ARHGAP24: variants seen among roughly 807,000 people sequenced by gnomAD.
ARHGAP24 encodes the protein Rho GTPase activating protein 24.
A neutral mutation model predicts 76.4 loss-of-function variants in ARHGAP24; 50 were observed. The observed-to-expected ratio is 0.65, with a 90% CI of 0.52 to 0.83. The LOEUF is 0.83. Among genes scored for constraint, ARHGAP24 ranks in the 40% least tolerant of loss-of-function variants. The pLI is 0.00. For synonymous variants in ARHGAP24, 345 were observed against 323.3 expected, an observed-to-expected ratio of 1.07 and a Z score of -0.72; for missense variants, 930 against 914.2, an observed-to-expected ratio of 1.02 and a Z score of -0.22.
chr4:85,990,298 T>C (rs1740246641), intron 8 of ARHGAP24: 1 of 151,660 alleles, frequency 6.6e-6, no homozygotes, highest in South Asian at 2.1e-4. Context: ...TACATAAATG[T>C]GGAAATATAC....
chr4:85,520,858 A>C (rs952324835), intron 1 of ARHGAP24, among the ~76,000 whole-genome samples: 35 of 152,216 alleles, frequency 2.3e-4, no homozygotes, highest in African/African-American at 8.2e-4. Flanking sequence ...ATAGAGAGGC[A>C]CAGTGTGGTG....
At chr4:85,608,626 C>T (rs779461103) in intron 2 of ARHGAP24, among the ~76,000 whole-genome samples, 12 of 141,350 alleles carry the variant, frequency 8.5e-5, no homozygotes, top group Non-Finnish European at 1.2e-4. Context: ...GGCATGATCT[C>T]AGCTCACTGC....
chr4:85,823,785 G>T (rs2110126616), intron 3 of ARHGAP24, among the ~76,000 whole-genome samples: 1 of 152,100 alleles, frequency 6.6e-6, no homozygotes, highest in African/African-American at 2.4e-5. Flanking sequence ...AGTTCACAAA[G>T]GGATAATCTT....
intron 3 of ARHGAP24, among the ~76,000 whole-genome samples, chr4:85,882,569 G>A (rs1459473930): frequency 6.6e-6 from 1 of 152,106 alleles, no homozygotes; most frequent in Admixed American, 6.6e-5. Context: ...GAGGAGCATG[G>A]GCACAATAAG....
At chr4:85,603,747 C>T (rs1053713804) in intron 2 of ARHGAP24, among the ~76,000 whole-genome samples, 5 of 152,120 alleles carry the variant, frequency 3.3e-5, no homozygotes, top group Non-Finnish European at 5.9e-5. Context: ...CTGTGCTAAG[C>T]GCTAGTGATA....
intron 1 of ARHGAP24, among the ~76,000 whole-genome samples, chr4:85,484,693 G>A (rs577265561): frequency 6.6e-6 from 1 of 152,008 alleles, no homozygotes; most frequent in Admixed American, 6.5e-5. Context: ...CTCGGCTCAC[G>A]GCAAATTCCA....
At chr4:85,980,162 A>T (rs1021700576) in intron 8 of ARHGAP24, among the ~76,000 whole-genome samples, 3 of 152,342 alleles carry the variant, frequency 2.0e-5, no homozygotes, top group Middle Eastern at 3.4e-3. Flanking sequence ...AGTGCCAGTG[A>T]TACTCATTGC....
At chr4:85,921,300 A>C (rs539585734) in intron 3 of ARHGAP24, among the ~76,000 whole-genome samples, 1 of 152,212 alleles carries the variant, frequency 6.6e-6, no homozygotes, top group Non-Finnish European at 1.5e-5. Context: ...CAAATACTGC[A>C]TGATCTCACT....
intron 3 of ARHGAP24, among the ~76,000 whole-genome samples, chr4:85,911,906 G>A (rs889733198): frequency 6.6e-6 from 1 of 152,154 alleles, no homozygotes; most frequent in African/African-American, 2.4e-5. Context: ...TTCTTTATAA[G>A]AACTTCTATG....
In ARHGAP24 at chr4:85,959,452, C is replaced by T. The variant is rs527964889; in HGVS notation, c.600-12584C>T. ...AATGCAGTCCAGTAACTTGCAGCCT[C>T]GTTTTACCCAGCCCCTATTCTAGAT... On this transcript the variant is annotated intron_variant, in intron 5 of 9. Coordinates refer to ENST00000395184, the MANE Select transcript of ARHGAP24 (RefSeq NM_001025616.3). Among the ~76,000 whole-genome samples the T allele has an allele frequency of 4.6e-5, 7 of 152,290 alleles. No homozygotes were observed. The East Asian group carries it at 5.8e-4, about 13-fold the overall frequency.
At chr4:85,517,554 C>A (rs150129557) in intron 1 of ARHGAP24, among the ~76,000 whole-genome samples, 4 of 152,226 alleles carry the variant, frequency 2.6e-5, no homozygotes, top group African/African-American at 7.2e-5. Flanking sequence ...TACACGTTTT[C>A]TTATATGCTT....
intron 2 of ARHGAP24, among the ~76,000 whole-genome samples, chr4:85,639,527 G>A (rs1721446954): frequency 6.6e-6 from 1 of 152,100 alleles, no homozygotes; most frequent in Admixed American, 6.6e-5. Flanking sequence ...TTAGCTCCAA[G>A]ATGTTTACAT....
At chr4:85,893,474 G>C (rs1480046511) in intron 3 of ARHGAP24, among the ~76,000 whole-genome samples, 1 of 51,354 alleles carries the variant, frequency 1.9e-5, no homozygotes, top group African/African-American at 7.7e-5. Flanking sequence ...TTTACATTTT[G>C]GCATGATTTT....
chr4:85,805,672 C>T (rs11729287), intron 3 of ARHGAP24, among the ~76,000 whole-genome samples: 25,113 of 152,058 alleles, frequency 0.17, 2,441 homozygotes, highest in East Asian at 0.49. Context: ...TCAGGTGTGC[C>T]GCAGCATTAA....
chr4:85,674,102 G>C (rs1038495878), intron 2 of ARHGAP24, among the ~76,000 whole-genome samples: 1 of 152,062 alleles, frequency 6.6e-6, no homozygotes, highest in Non-Finnish European at 1.5e-5. Flanking sequence ...TCCACGCAGT[G>C]GTTCTCAATC....
intron 2 of ARHGAP24, among the ~76,000 whole-genome samples, chr4:85,700,915 T>C (rs1362283532): frequency 6.6e-6 from 1 of 152,218 alleles, no homozygotes; most frequent in Non-Finnish European, 1.5e-5. Context: ...TCTCTCTTTG[T>C]TTGTTTCACA....
At chr4:85,844,632 T>C (rs943038429) in intron 3 of ARHGAP24, among the ~76,000 whole-genome samples, 1 of 152,206 alleles carries the variant, frequency 6.6e-6, no homozygotes, top group African/African-American at 2.4e-5. Flanking sequence ...ATGAACACTT[T>C]GCACCTTTTC....
intron 1 of ARHGAP24, among the ~76,000 whole-genome samples, chr4:85,516,575 G>T (rs894241567): frequency 7.9e-5 from 12 of 151,432 alleles, no homozygotes; most frequent in Non-Finnish European, 1.8e-4. Flanking sequence ...TAAGGGCCAA[G>T]AAATTTGTAT....
intron 2 of ARHGAP24, among the ~76,000 whole-genome samples, chr4:85,652,393 C>T (rs570119740): frequency 2.6e-4 from 40 of 152,204 alleles, no homozygotes; most frequent in Non-Finnish European, 5.0e-4. Context: ...TCTTTGTTAA[C>T]GAAATTTCCA....
Sources: gnomAD v4.1 joint callset for allele counts (sites outside exome capture counted in the v4.1 genomes callset) on GRCh38, gnomAD v4.1.1 for gene constraint, MANE v1.5 for transcripts, NCBI Gene and HGNC (gene_info 2026-07-23, HGNC 2026-07-21) for gene names.